ZNF69: variants seen among roughly 807,000 people sequenced by gnomAD.
ZNF69 encodes zinc finger protein 69.
A neutral mutation model predicts 50.9 loss-of-function variants in ZNF69; 47 were observed. The ratio of observed to expected loss-of-function variants is 0.92; its 90% CI spans 0.73 to 1.18. ZNF69 has a LOEUF of 1.18. Ranked by LOEUF, ZNF69 falls within the 50% of genes most tolerant of loss-of-function variation. The pLI is 0.00. For synonymous variants in ZNF69, 216 were observed against 223.1 expected, an observed-to-expected ratio of 0.97 and a Z score of 0.29; for missense variants, 717 against 675.1, an observed-to-expected ratio of 1.06 and a Z score of -0.69.
In ZNF69 at chr19:11,905,128, G is replaced by A. The variant is rs996652992; in HGVS notation, c.731G>A (p.Gly244Glu). The A allele has an allele frequency of 2.5e-6, 4 of 1,614,176 alleles. No homozygotes were observed. Among genetic ancestry groups the A allele is most frequent in the Non-Finnish European group, 2.5e-6 (3 of 1,180,028 alleles). ...CTTATCCATGAAAGAATTCACACTGGAGAGAAACCATATGAATGTAAACAA... is the reference window on the plus strand; with the variant it reads ...CTTATCCATGAAAGAATTCACACTGAAGAGAAACCATATGAATGTAAACAA... Reference protein sequence around the residue: ...LYLIHERIHTGEKPYECKQCG... With the variant: ...LYLIHERIHTEEKPYECKQCG... The change falls in exon 4 of 4, where the codon GGA (glycine) becomes GAA (glutamate). Residue 244 changes from glycine to glutamate, a missense_variant. Transcript: ENST00000429654.
the ZNF69 span, chr19:11,925,386 C>A: frequency 2.6e-6 from 4 of 1,513,518 alleles, no homozygotes; most frequent in Non-Finnish European, 3.6e-6. Flanking sequence ...GGTCTGGGAC[C>A]GAGTCCTCCT....
chr19:11,923,855 A>G, the ZNF69 span, among the ~76,000 whole-genome samples: 2 of 152,188 alleles, frequency 1.3e-5, no homozygotes, highest in Admixed American at 6.5e-5. Context: ...TTCCACGTTG[A>G]GGACAGTCTC....
chr19:11,903,871 G>A lies in ZNF69; in HGVS notation c.191-34G>A, dbSNP rs370451951. ...AATAATTTTTTCACAATTTTATACT[G>A]CCTCAGGACTATTTTTCTGTGTCTA... On this transcript the variant is annotated intron_variant, in intron 2 of 3. Transcript: ENST00000429654. The A allele has an allele frequency of 1.7e-4, 269 of 1,610,586 alleles. 1 individual carries two copies. The highest frequency in any genetic ancestry group is 2.2e-4 in the Non-Finnish European group (257 of 1,178,668).
At chr19:11,980,032 A>T in the ZNF69 span, 21,087 of 1,050,720 alleles carry the variant, frequency 0.02, 266 homozygotes, top group African/African-American at 0.028. Flanking sequence ...CTTTTCGATA[A>T]CATGAAAGGA....
chr19:11,958,098 A>G, the ZNF69 span, among the ~76,000 whole-genome samples: 2 of 152,206 alleles, frequency 1.3e-5, no homozygotes, highest in Admixed American at 6.5e-5. Context: ...GGGGGATTTC[A>G]TGAATCACAG....
At chr19:11,980,150 C>A in the ZNF69 span, 5 of 712,388 alleles carry the variant, frequency 7.0e-6, no homozygotes, top group Non-Finnish European at 9.2e-6. Flanking sequence ...GAAACCAAAG[C>A]AGGTGAATCA....
chr19:11,938,341 C>T, the ZNF69 span, among the ~76,000 whole-genome samples: 1 of 152,102 alleles, frequency 6.6e-6, no homozygotes, highest in Non-Finnish European at 1.5e-5. Flanking sequence ...CCCATTAACT[C>T]GTTATTTACA....
At chr19:11,893,277 C>A (rs1173656035) in intron 1 of ZNF69, among the ~76,000 whole-genome samples, 1 of 152,242 alleles carries the variant, frequency 6.6e-6, no homozygotes, top group East Asian at 1.9e-4. Context: ...TTAAGTAGGA[C>A]CTTCGGACAC....
chr19:11,961,922 TACACACACACACACACAC>T, the ZNF69 span, among the ~76,000 whole-genome samples: 3 of 144,974 alleles, frequency 2.1e-5, no homozygotes, highest in East Asian at 4.1e-4. Context: ...TGGCCTCTTT[TACACACACACACACACAC>T]ACACACACAC....
the ZNF69 span, among the ~76,000 whole-genome samples, chr19:11,961,003 G>T: frequency 3.3e-5 from 5 of 152,186 alleles, no homozygotes; most frequent in Non-Finnish European, 5.9e-5. Context: ...TAGAGGCCAG[G>T]TGTGGTGACT....
chr19:11,910,710 A>G (rs1972445531), downstream of ZNF69, among the ~76,000 whole-genome samples: 1 of 152,266 alleles, frequency 6.6e-6, no homozygotes, highest in African/African-American at 2.4e-5. Context: ...ACCTAAAACC[A>G]TAAAAACCCT....
At chr19:11,925,328 C>T in the ZNF69 span, 1 of 1,599,298 alleles carries the variant, frequency 6.3e-7, no homozygotes, top group Non-Finnish European at 8.5e-7. Flanking sequence ...CTGGAACAGG[C>T]GGGAACCGGC....
intron 1 of ZNF69, among the ~76,000 whole-genome samples, chr19:11,894,733 A>T (rs1317229089): frequency 6.6e-6 from 1 of 152,044 alleles, no homozygotes; most frequent in Non-Finnish European, 1.5e-5. Context: ...TAGATAGCCA[A>T]CCCCTCGAGA....
chr19:11,889,088 A>G (rs1977018688), intron 1 of ZNF69, among the ~76,000 whole-genome samples: 1 of 152,126 alleles, frequency 6.6e-6, no homozygotes, highest in South Asian at 2.1e-4. Flanking sequence ...AGCTTTGTCT[A>G]AAGTTTGGAG....
chr19:11,940,947 G>A, the ZNF69 span, among the ~76,000 whole-genome samples: 4 of 152,104 alleles, frequency 2.6e-5, no homozygotes, highest in Non-Finnish European at 5.9e-5. Flanking sequence ...TAGACACAGG[G>A]TGCTGATTGG....
chr19:11,947,038 A>G, the ZNF69 span: 1 of 1,344,916 alleles, frequency 7.4e-7, no homozygotes, highest in South Asian at 1.6e-5. Context: ...GTAAGTATAG[A>G]TGGAGAGAAA....
chr19:11,974,681 C>T, the ZNF69 span, among the ~76,000 whole-genome samples: 1 of 152,068 alleles, frequency 6.6e-6, no homozygotes, highest in Non-Finnish European at 1.5e-5. Context: ...CAGCTCACTG[C>T]AACTTCCACC....
the ZNF69 span, chr19:11,977,438 G>T: frequency 6.2e-7 from 1 of 1,613,708 alleles, no homozygotes; most frequent in Admixed American, 1.7e-5. Context: ...TCAGGTAATT[G>T]GCACTTAAAG....
At chr19:11,950,366 C>T in the ZNF69 span, 1 of 1,104,434 alleles carries the variant, frequency 9.1e-7, no homozygotes, top group Non-Finnish European at 1.3e-6. Context: ...CATGAAAGGA[C>T]TCACACTGGG....
Sources: allele counts gnomAD v4.1 joint callset (sites outside exome capture counted in the v4.1 genomes callset), GRCh38; gene constraint gnomAD v4.1.1; transcripts MANE v1.5; gene names NCBI Gene and HGNC (gene_info 2026-07-23, HGNC 2026-07-21).